Variants in EML6 observed in about 807,000 individuals in gnomAD.
The protein encoded by EML6 is EMAP like 6, also known as echinoderm microtubule-associated protein-like 6.
A neutral mutation model predicts 240.1 loss-of-function variants in EML6; 154 were observed. That is an observed-to-expected ratio of 0.64 (90% CI 0.56 to 0.73). The LOEUF is 0.73. EML6 is among the 30% of genes least tolerant of loss of function. EML6 has a pLI of 0.00. For missense variants in EML6, 2,964 were observed against 2,474.6 expected, an observed-to-expected ratio of 1.20 and a Z score of -4.20; for synonymous variants, 1,148 against 899.0, an observed-to-expected ratio of 1.28 and a Z score of -4.95.
In EML6 at chr2:54,816,829, A is replaced by G; in HGVS notation, c.400A>G (p.Ile134Val). ...VGLDAKNTVC[I>V]WDWRKGKLLA... is the part of the protein sequence containing the mutation. Reference sequence around the variant, plus strand: ...GTTGGATGCCAAAAACACAGTCTGCATTTGGGACTGGAGGAAGGGAAAACT... The same window carrying G: ...GTTGGATGCCAAAAACACAGTCTGCGTTTGGGACTGGAGGAAGGGAAAACT... Residue 134 changes from isoleucine (I) to valine (V), a missense_variant, in exon 4 of 42, where the codon ATT becomes GTT. Transcript: ENST00000356458. 1.9e-6 allele frequency: 3 copies of G among 1,551,522 alleles called. No individual in the cohort carries two copies. Among genetic ancestry groups the G allele is most frequent in the Non-Finnish European group, 2.6e-6 (3 of 1,146,860 alleles).
Position 54,895,609 on chromosome 2 carries a change from A to C in EML6, c.2982+209A>C, listed in dbSNP as rs80346152. On this transcript the variant is annotated intron_variant, in intron 21 of 41. Coordinates refer to ENST00000356458, the MANE Select transcript of EML6 (RefSeq NM_001039753.4). ...ATTTATTTTCTCACAGTGTCTGTGG[A>C]TCAGGAATCTGAGCACAGCTTAACT... Among the ~76,000 whole-genome samples the C allele has an allele frequency of 1.1e-3, 173 of 152,360 alleles. 1 individual carries two copies. The highest frequency in any genetic ancestry group is 4.0e-3 in the African/African-American group (165 of 41,576).
chr2:54,742,412 T>C (rs540445744), intron 2 of EML6, among the ~76,000 whole-genome samples: 46 of 152,352 alleles, frequency 3.0e-4, no homozygotes, highest in African/African-American at 1.1e-3. Flanking sequence ...CAGATTCATA[T>C]AAGCCAAGAG....
intron 17 of EML6, among the ~76,000 whole-genome samples, chr2:54,885,345 G>A (rs1409288457): frequency 6.6e-6 from 1 of 151,918 alleles, no homozygotes; most frequent in Non-Finnish European, 1.5e-5. Context: ...TACTCAGGAG[G>A]CTGAGACAGG....
chr2:54,957,710 G>A (rs1676296162), intron 32 of EML6, 80 bp from the exon 33 acceptor site: 3 of 1,292,518 alleles, frequency 2.3e-6, no homozygotes, highest in African/African-American at 1.5e-5. Flanking sequence ...CTGCTGGGGT[G>A]GAGACCTCCT....
intron 18 of EML6, among the ~76,000 whole-genome samples, 153 bp downstream of exon 18, chr2:54,891,307 G>A (rs1255919135): frequency 2.0e-5 from 3 of 152,184 alleles, no homozygotes; most frequent in African/African-American, 4.8e-5. Context: ...CGCTTAGAAC[G>A]CTTGAAGCTT....
intron 2 of EML6, among the ~76,000 whole-genome samples, chr2:54,782,850 C>T (rs549000021): frequency 1.3e-5 from 2 of 152,148 alleles, no homozygotes; most frequent in African/African-American, 2.4e-5. Context: ...CACCACTTGC[C>T]TACCGTGTAA....
At chr2:54,930,640 A>G (rs1010199798) in intron 28 of EML6, among the ~76,000 whole-genome samples, 1 of 152,150 alleles carries the variant, frequency 6.6e-6, no homozygotes, top group African/African-American at 2.4e-5. Flanking sequence ...CAATTTTAAG[A>G]TAAGTATAGG....
intron 28 of EML6, among the ~76,000 whole-genome samples, chr2:54,937,203 G>A (rs952996151): frequency 2.0e-5 from 3 of 151,660 alleles, no homozygotes; most frequent in South Asian, 2.1e-4. Flanking sequence ...GCTTAAACCC[G>A]GGAGGTGGAG....
intron 28 of EML6, among the ~76,000 whole-genome samples, chr2:54,940,682 C>G (rs886252431): frequency 1.3e-5 from 2 of 152,238 alleles, no homozygotes; most frequent in Admixed American, 6.5e-5. Flanking sequence ...TGGTCAGCGA[C>G]CACTTTTACC....
intron 7 of EML6, among the ~76,000 whole-genome samples, chr2:54,834,730 C>T (rs1298072811): frequency 2.0e-5 from 3 of 152,140 alleles, no homozygotes; most frequent in African/African-American, 7.2e-5. Context: ...AATCACTGAG[C>T]AAGAATTAGA....
At chr2:54,875,139 C>T (rs1417909070) in intron 16 of EML6, among the ~76,000 whole-genome samples, 1 of 152,156 alleles carries the variant, frequency 6.6e-6, no homozygotes, top group Non-Finnish European at 1.5e-5. Flanking sequence ...TCCCACCCTC[C>T]ACTGTAACTG....
chr2:54,891,328 A>G (rs747953847), intron 18 of EML6, among the ~76,000 whole-genome samples, 174 bp downstream of exon 18: 1 of 152,246 alleles, frequency 6.6e-6, no homozygotes, highest in African/African-American at 2.4e-5. Context: ...AGAACACTCT[A>G]TATGACGCTA....
intron 37 of EML6, among the ~76,000 whole-genome samples, 162 bp from the exon 38 acceptor site, chr2:54,964,409 T>A (rs1462696146): frequency 3.9e-5 from 6 of 152,232 alleles, no homozygotes; most frequent in Admixed American, 6.5e-5. Flanking sequence ...CCAGATAAAT[T>A]GTTGAATTCC....
chr2:54,853,759 A>G lies in EML6; in HGVS notation c.1561A>G (p.Ile521Val), dbSNP rs759393350. ...GCCCAAATACACTGAGGTTACTGAC[A>G]TCAACTCAGTGGATGCGAATTACAA... ...IWPKYTEVTD[I>V]NSVDANYNSS... The change falls in exon 11 of 42, where the codon ATC (isoleucine) becomes GTC (valine). Residue 521 changes from isoleucine (I) to valine (V), a missense_variant. Coordinates refer to ENST00000356458, the MANE Select transcript of EML6 (RefSeq NM_001039753.4). 9 of 1,551,300 alleles carry G rather than the reference A, an allele frequency of 5.8e-6. No homozygotes were observed. Among genetic ancestry groups the G allele is most frequent in the Non-Finnish European group, 7.8e-6 (9 of 1,146,730 alleles).
intron 2 of EML6, among the ~76,000 whole-genome samples, chr2:54,792,833 A>G (rs1669526135): frequency 6.6e-6 from 1 of 152,234 alleles, no homozygotes; most frequent in Admixed American, 6.5e-5. Context: ...TAGGATTTCT[A>G]AAAAGATGTT....
chr2:54,887,490 G>A (rs1200434829), intron 17 of EML6, among the ~76,000 whole-genome samples: 3 of 152,056 alleles, frequency 2.0e-5, no homozygotes, highest in Non-Finnish European at 2.9e-5. Flanking sequence ...TTGCTGTGGT[G>A]TTTTTCATCA....
At chr2:54,738,613 A>G (rs920215734) in intron 2 of EML6, among the ~76,000 whole-genome samples, 1 of 152,176 alleles carries the variant, frequency 6.6e-6, no homozygotes, top group Non-Finnish European at 1.5e-5. Flanking sequence ...CTCACTTTTA[A>G]GAGCATAGCT....
intron 39 of EML6, 114 bp from the exon 40 acceptor site, chr2:54,968,011 TGGG>T: frequency 1.9e-6 from 2 of 1,028,378 alleles, no homozygotes; most frequent in Non-Finnish European, 2.9e-6. Context: ...GCCTGGCTGT[TGGG>T]GACCCCTGAT....
intron 2 of EML6, among the ~76,000 whole-genome samples, chr2:54,767,691 T>A (rs539584030): frequency 6.6e-6 from 1 of 152,026 alleles, no homozygotes; most frequent in African/African-American, 2.4e-5. Context: ...TTTTTTATTT[T>A]TTGTAGAGAC....
Sources: allele counts gnomAD v4.1 joint callset (sites outside exome capture counted in the v4.1 genomes callset), GRCh38; gene constraint gnomAD v4.1.1; transcripts MANE v1.5; gene names NCBI Gene and HGNC (gene_info 2026-07-23, HGNC 2026-07-21).